Variants in RAB3GAP2 observed in about 807,000 individuals in gnomAD.
The protein encoded by RAB3GAP2 is RAB3 GTPase activating non-catalytic protein subunit 2.
RAB3GAP2 carries 87 observed loss-of-function variants against 185.3 expected under a neutral mutation model. The observed-to-expected ratio is 0.47, with a 90% confidence interval of 0.39 to 0.56. The LOEUF (loss-of-function observed/expected upper bound fraction) is 0.56, where lower values mean the gene tolerates loss of function less well. Among genes scored for constraint, RAB3GAP2 ranks in the 20% least tolerant of loss-of-function variants. The pLI is 0.00. For missense variants in RAB3GAP2, 1,492 were observed against 1,638.2 expected (o/e 0.91, Z 1.54); for synonymous variants, 554 against 576.1 (o/e 0.96, Z 0.55).
chr1:220,167,440 A>G (rs754456398), intron 25 of RAB3GAP2, 41 bp from the exon 26 acceptor site: 130 of 1,612,790 alleles, frequency 8.1e-5, no homozygotes, highest in Non-Finnish European at 1.0e-4. Context: ...TTTTTTCCTT[A>G]ATGAACACTT....
chr1:220,192,239 T>G (rs1463591998), intron 13 of RAB3GAP2, among the ~76,000 whole-genome samples: 1 of 152,232 alleles, frequency 6.6e-6, no homozygotes, highest in Non-Finnish European at 1.5e-5. Flanking sequence ...TTAAAACTAT[T>G]TCTACAGATA....
intron 1 of RAB3GAP2, among the ~76,000 whole-genome samples, chr1:220,261,064 A>G (rs1469581753): frequency 6.6e-6 from 1 of 152,058 alleles, no homozygotes; most frequent in African/African-American, 2.4e-5. Context: ...CTGATTTTAC[A>G]TACTTTAAAA....
chr1:220,213,715 G>A (rs1404921840), intron 3 of RAB3GAP2, 141 bp downstream of exon 3: 1 of 753,784 alleles, frequency 1.3e-6, no homozygotes, highest in South Asian at 1.7e-5. Flanking sequence ...GAGGGAGGGA[G>A]GGGGCGGAGG....
chr1:220,188,359 T>C (rs1051983276), intron 17 of RAB3GAP2, among the ~76,000 whole-genome samples: 2 of 152,040 alleles, frequency 1.3e-5, no homozygotes, highest in African/African-American at 4.8e-5. Flanking sequence ...AACTATCCAG[T>C]TTTGATTGAA....
intron 28 of RAB3GAP2, among the ~76,000 whole-genome samples, chr1:220,161,391 C>T (rs1436476663): frequency 6.6e-6 from 1 of 152,168 alleles, no homozygotes; most frequent in African/African-American, 2.4e-5. Context: ...TCATCTGATG[C>T]TACACTAATC....
At position 220,159,348 on chromosome 1, in the gene RAB3GAP2, T is replaced by G. The variant is rs115506136; in HGVS notation, c.3261+38A>C. On this transcript the variant is annotated intron_variant, in intron 29 of 34. Transcript: ENST00000358951. ...TAAAGTACTACATAAAAGTGTGGAA[T>G]TAACAACCATAATTCTAGCTATGGG... 72 of 1,566,372 alleles carry G rather than the reference T, an allele frequency of 4.6e-5. No homozygotes were observed. The African/African-American group carries it at 8.9e-4, about 19-fold the overall frequency.
intron 1 of RAB3GAP2, among the ~76,000 whole-genome samples, chr1:220,257,153 C>T (rs958279864): frequency 2.6e-5 from 4 of 151,960 alleles, no homozygotes; most frequent in Admixed American, 6.6e-5. Context: ...CTGAGGTGGG[C>T]GGATCACGAG....
intron 1 of RAB3GAP2, chr1:220,254,020 A>T: frequency 6.2e-7 from 1 of 1,613,992 alleles, no homozygotes; most frequent in Non-Finnish European, 8.5e-7. Context: ...GGAAACATTC[A>T]TGAACAGAGT....
intron 31 of RAB3GAP2, 30 bp from the exon 32 acceptor site, chr1:220,154,087 G>T (rs1456349127): frequency 6.2e-6 from 10 of 1,611,628 alleles, no homozygotes; most frequent in Non-Finnish European, 8.5e-6. Context: ...GAAAACTGAT[G>T]AGTGTGGATT....
chr1:220,250,006 G>A (rs1659900894), intron 1 of RAB3GAP2, among the ~76,000 whole-genome samples: 1 of 152,216 alleles, frequency 6.6e-6, no homozygotes, highest in East Asian at 1.9e-4. Flanking sequence ...GAAGGGAAAT[G>A]TGGGGTACAA....
intron 21 of RAB3GAP2, among the ~76,000 whole-genome samples, chr1:220,180,956 G>C (rs1165025100): frequency 6.6e-6 from 1 of 152,102 alleles, no homozygotes; most frequent in Non-Finnish European, 1.5e-5. Flanking sequence ...AAAAAAGATG[G>C]ACGGTTCCAT....
At chr1:220,174,680 T>C (rs1658254095) in intron 21 of RAB3GAP2, among the ~76,000 whole-genome samples, 1 of 152,202 alleles carries the variant, frequency 6.6e-6, no homozygotes, top group African/African-American at 2.4e-5. Flanking sequence ...TCTTCCATGC[T>C]CATAAATAAT....
chr1:220,224,542 A>G (rs972114826), intron 2 of RAB3GAP2, among the ~76,000 whole-genome samples: 2 of 152,168 alleles, frequency 1.3e-5, no homozygotes, highest in African/African-American at 4.8e-5. Context: ...GAGTAGAATA[A>G]TGTGTAAAAT....
chr1:220,235,206 T>A (rs1659569908), intron 1 of RAB3GAP2, among the ~76,000 whole-genome samples: 1 of 152,186 alleles, frequency 6.6e-6, no homozygotes, highest in Non-Finnish European at 1.5e-5. Context: ...ATAGAAACAT[T>A]CCCTTGATAT....
chr1:220,242,131 C>T (rs1659707616), intron 1 of RAB3GAP2, among the ~76,000 whole-genome samples: 1 of 152,010 alleles, frequency 6.6e-6, no homozygotes, highest in South Asian at 2.1e-4. Flanking sequence ...TCAAAGTACA[C>T]ACAGAGAAAG....
rs1221227896 is a variant in RAB3GAP2, at chr1:220,210,891, A to G, written c.435-15T>C. The G allele has an allele frequency of 2.4e-5, 38 of 1,613,892 alleles. No homozygotes were observed. The Middle Eastern group carries it at 6.6e-4, about 28-fold the overall frequency. ...CAGTGGAACTCCTGTTACAAACAAA[A>G]TTTATTATCTTAACAACTCATAAAT... is the stretch of plus-strand genomic sequence containing the variant. On this transcript the variant is annotated splice_polypyrimidine_tract_variant and intron_variant, in intron 5 of 34. Transcript: ENST00000358951.
chr1:220,205,321 T>C (rs754495030), intron 8 of RAB3GAP2, among the ~76,000 whole-genome samples: 15 of 152,216 alleles, frequency 9.9e-5, no homozygotes, highest in Non-Finnish European at 1.5e-4. Flanking sequence ...ATATTAAGTT[T>C]AGGCCTCTAC....
chr1:220,163,597 C>T (rs985596400), intron 27 of RAB3GAP2, among the ~76,000 whole-genome samples: 59 of 150,898 alleles, frequency 3.9e-4, no homozygotes, highest in Middle Eastern at 3.4e-3. Flanking sequence ...CTCCTGACCT[C>T]GTGATCCGCC....
In RAB3GAP2 at chr1:220,150,471, T is replaced by TA. The variant is rs1424194469; in HGVS notation, c.*779dup. 4.1e-5 allele frequency: 6 copies of TA among 147,556 alleles called. No individual in the cohort carries two copies. The highest frequency in any genetic ancestry group is 2.1e-4 in the South Asian group (1 of 4,698). The allele number at this position is 147,556 out of a possible 1,614,324, so 9.1% of individuals were successfully genotyped here. ...TTTGCCTTTTTTTTTTTTTTTTTTT[T>TA]ACATAAGTTTTACAAGATAATACAT... On this transcript the variant is annotated 3_prime_UTR_variant, in exon 35 of 35. Coordinates refer to ENST00000358951, the MANE Select transcript of RAB3GAP2 (RefSeq NM_012414.4).
Sources: allele counts gnomAD v4.1 joint callset (sites outside exome capture counted in the v4.1 genomes callset), GRCh38; gene constraint gnomAD v4.1.1; transcripts MANE v1.5; gene names NCBI Gene and HGNC (gene_info 2026-07-23, HGNC 2026-07-21).